Variants in HABP4 observed in about 807,000 individuals in gnomAD.
HABP4 encodes the protein intracellular hyaluronan-binding protein 4.
Under a neutral mutation model 44.1 loss-of-function variants are expected in HABP4, and 32 were observed. The observed-to-expected ratio is 0.73, with a 90% CI of 0.55 to 0.97. The LOEUF (loss-of-function observed/expected upper bound fraction) is 0.97. Among genes scored for constraint, HABP4 ranks in the 50% least tolerant of loss-of-function variants. The pLI is 0.00. For missense variants in HABP4, 503 were observed against 561.9 expected, an observed-to-expected ratio of 0.90 and a Z score of 1.06; for synonymous variants, 216 against 218.0, an observed-to-expected ratio of 0.99 and a Z score of 0.08.
At chr9:96,458,347 TC>T in intron 1 of HABP4, 31 bp from the exon 2 acceptor site, 1 of 1,605,426 alleles carries the variant, frequency 6.2e-7, no homozygotes, top group Non-Finnish European at 8.5e-7. Flanking sequence ...GATGTTGTGT[TC>T]CAGCTCTCTG....
In HABP4 at chr9:96,450,264, C is replaced by A; in HGVS notation, c.-16C>A. On this transcript the variant is annotated 5_prime_UTR_variant, in exon 1 of 8. Coordinates refer to ENST00000375249, the MANE Select transcript of HABP4 (RefSeq NM_014282.4). This position sits in a 1 kb window ranked among gnomAD's most constrained non-coding sequence, Gnocchi z 4.8. ...CGCGTGGGCTGCCCTCCCGGGCCCG[C>A]AGTGGTCGCGGCGGCATGAAGGGCG... The A allele has an allele frequency of 7.0e-7, 1 of 1,425,350 alleles. No homozygotes were observed. The highest frequency in any genetic ancestry group is 9.3e-7 in the Non-Finnish European group (1 of 1,078,706). The allele number at this position is 1,425,350 out of a possible 1,614,324, so 88.3% of individuals were successfully genotyped here. A position where few individuals can be genotyped will look rare whatever the true frequency, so the allele number is the denominator to read the frequency against.
At chr9:96,476,640 G>A (rs1200196074) in intron 5 of HABP4, among the ~76,000 whole-genome samples, 1 of 152,274 alleles carries the variant, frequency 6.6e-6, no homozygotes, top group South Asian at 2.1e-4. Flanking sequence ...TCCTAGAATC[G>A]AAGGATACAT....
chr9:96,456,759 CAAAAAAAAA>C (rs764603456), intron 1 of HABP4, among the ~76,000 whole-genome samples: 217 of 24,644 alleles, frequency 8.8e-3, no homozygotes, highest in Admixed American at 0.01. Context: ...GACTCCATCT[CAAAAAAAAA>C]AAAAAAAAAA....
intron 1 of HABP4, among the ~76,000 whole-genome samples, chr9:96,456,780 A>AAAAT (rs1554724388): frequency 5.1e-4 from 23 of 44,762 alleles, no homozygotes; most frequent in Non-Finnish European, 6.8e-4. Context: ...AAAAAAAAAA[A>AAAAT]ATATATATAT....
intron 5 of HABP4, among the ~76,000 whole-genome samples, chr9:96,481,682 G>A (rs1482352496): frequency 6.6e-6 from 1 of 151,998 alleles, no homozygotes; most frequent in African/African-American, 2.4e-5. Flanking sequence ...GGAGGTTGAA[G>A]GTATGGTGAG....
chr9:96,476,276 T>A (rs1587684717), intron 5 of HABP4, among the ~76,000 whole-genome samples: 1 of 152,216 alleles, frequency 6.6e-6, no homozygotes, highest in East Asian at 1.9e-4. Flanking sequence ...ACTATTGATA[T>A]CATGAAATAA....
At position 96,490,015 on chromosome 9, in the gene HABP4, G is replaced by T. The variant is rs776447402; in HGVS notation, c.1219G>T (p.Glu407Ter). The T allele has an allele frequency of 1.1e-5, 17 of 1,605,364 alleles. No individual in the cohort carries two copies. The East Asian group carries it at 3.8e-4, about 36-fold the overall frequency. ...QDVAPNPDDPEDFPALS is the reference protein window; with the variant it reads ...QDVAPNPDDP ...TGTTGCCCCCAACCCAGATGACCCG[G>T]AAGATTTCCCTGCGCTGTCTTGAAA... The change falls in exon 8 of 8, where the codon GAA (glutamate) becomes TAA (stop). Residue 407 changes from glutamate (E) to a stop codon, truncating the protein, a stop_gained. Coordinates refer to ENST00000375249, the MANE Select transcript of HABP4 (RefSeq NM_014282.4). LOFTEE classifies it high-confidence loss of function.
At chr9:96,469,806 C>A (rs1832662943) in intron 4 of HABP4, among the ~76,000 whole-genome samples, 1 of 152,182 alleles carries the variant, frequency 6.6e-6, no homozygotes, top group Admixed American at 6.5e-5. Context: ...CAGGTGTGAG[C>A]CACCGCGCCC....
Position 96,489,971 on chromosome 9 carries a change from T to G in HABP4, c.1186-11T>G, listed in dbSNP as rs373559224. The stretch of plus-strand genomic sequence containing the variant: ...GGCAGTGGATTTCAAAGTATTTCTT[T>G]TTTTCTTTAGATGCAAGATGTTGCC... On this transcript the variant is annotated splice_polypyrimidine_tract_variant and intron_variant, in intron 7 of 7. Coordinates refer to ENST00000375249, the MANE Select transcript of HABP4 (RefSeq NM_014282.4). The G allele has an allele frequency of 1.2e-5, 19 of 1,553,160 alleles. No individual in the cohort carries two copies. The highest frequency in any genetic ancestry group is 1.7e-4 in the Middle Eastern group (1 of 5,976).
chr9:96,473,134 T>G (rs1832724131), intron 5 of HABP4, among the ~76,000 whole-genome samples: 1 of 152,190 alleles, frequency 6.6e-6, no homozygotes, highest in Non-Finnish European at 1.5e-5. Flanking sequence ...TAAATTGTCG[T>G]TTACACACTA....
At chr9:96,485,570 G>A (rs946349220) in intron 6 of HABP4, among the ~76,000 whole-genome samples, 7 of 152,338 alleles carry the variant, frequency 4.6e-5, no homozygotes, top group African/African-American at 7.2e-5. Context: ...TATTGCTCAC[G>A]GCTTACGTCC....
intron 5 of HABP4, among the ~76,000 whole-genome samples, chr9:96,478,656 G>GTT (rs71368270): frequency 5.7e-5 from 8 of 140,306 alleles, no homozygotes; most frequent in Non-Finnish European, 9.4e-5. Context: ...TGTTGTCATC[G>GTT]TTTTTTTTTT....
Position 96,450,304 on chromosome 9 carries a change from G to A in HABP4, c.25G>A (p.Val9Met), listed in dbSNP as rs1312616504. MKGALGSPVAAAGAAMQES... is the reference protein window; with the variant it reads MKGALGSPMAAAGAAMQES... ...CATGAAGGGCGCTCTGGGGAGTCCC[G>A]TGGCTGCCGCTGGCGCCGCGATGCA... is the stretch of plus-strand genomic sequence containing the variant. Residue 9 changes from valine to methionine, a missense_variant, in exon 1 of 8, where the codon GTG becomes ATG. Physicochemically the swap from Val to Met is conservative, Grantham distance 21. This residue lies in a region of HABP4 where 290 missense variants were observed against 300.5 expected (regional missense o/e 0.97). Transcript: ENST00000375249. This position sits in a 1 kb window ranked among gnomAD's most constrained non-coding sequence, Gnocchi z 4.8. 1.4e-6 allele frequency: 2 copies of A among 1,468,436 alleles called. No individual in the cohort carries two copies. Among genetic ancestry groups the A allele is most frequent in the Non-Finnish European group, 9.1e-7 (1 of 1,101,826 alleles). 91.0% of individuals were successfully genotyped at this position (1,468,436 alleles called of 1,614,324 possible).
chr9:96,470,860 A>C (rs1587681234), intron 4 of HABP4, 151 bp from the exon 5 acceptor site: 1 of 545,452 alleles, frequency 1.8e-6, no homozygotes, highest in Non-Finnish European at 3.3e-6. Context: ...GCACCACTGC[A>C]CTCCAGCCTG....
intron 2 of HABP4, among the ~76,000 whole-genome samples, chr9:96,464,309 C>A (rs577055904): frequency 1.3e-5 from 2 of 152,168 alleles, no homozygotes; most frequent in South Asian, 4.1e-4. Flanking sequence ...GGGGGCCAGG[C>A]GGATGTGGCA....
intron 1 of HABP4, among the ~76,000 whole-genome samples, chr9:96,454,907 G>C (rs1415676202): frequency 2.6e-5 from 4 of 152,082 alleles, no homozygotes; most frequent in African/African-American, 9.7e-5. Flanking sequence ...CGAGCTCTGG[G>C]GTTCAAGACC....
chr9:96,481,554 G>A (rs975152698), intron 5 of HABP4, among the ~76,000 whole-genome samples: 5 of 152,030 alleles, frequency 3.3e-5, no homozygotes, highest in African/African-American at 1.2e-4. Context: ...ACCAGCATGG[G>A]CTACATGGAG....
chr9:96,475,193 G>A (rs907276439), intron 5 of HABP4, among the ~76,000 whole-genome samples: 3 of 152,162 alleles, frequency 2.0e-5, no homozygotes, highest in Non-Finnish European at 2.9e-5. Context: ...TGGCTAACAC[G>A]GTGAAACCCA....
In HABP4 at chr9:96,465,449, G is replaced by T; in HGVS notation, c.625G>T (p.Asp209Tyr). ...GPGNRVFDAF[D>Y]QRGKREFERY... ...TGGGAACAGAGTTTTTGACGCTTTT[G>T]ACCAGAGAGGAAAGCGAGAATTTGA... Residue 209 changes from aspartate (D) to tyrosine (Y), a missense_variant, in exon 3 of 8, where the codon GAC becomes TAC. By Grantham distance (160) the Asp-to-Tyr change is radical (BLOSUM62 -3). This residue lies in a region of HABP4 where 290 missense variants were observed against 300.5 expected (regional missense o/e 0.97). Coordinates refer to ENST00000375249, the MANE Select transcript of HABP4 (RefSeq NM_014282.4). The T allele has an allele frequency of 6.2e-7, 1 of 1,612,394 alleles. No homozygotes were observed. Among genetic ancestry groups the T allele is most frequent in the South Asian group, 1.1e-5 (1 of 91,014 alleles).
Sources: gnomAD v4.1 joint callset for allele counts (sites outside exome capture counted in the v4.1 genomes callset) on GRCh38, gnomAD v4.1.1 for gene constraint, gnomAD v4.1.1 regional missense constraint, Gnocchi (gnomAD v3.1) non-coding constraint, MANE v1.5 for transcripts, NCBI Gene and HGNC (gene_info 2026-07-23, HGNC 2026-07-21) for gene names.